The following KIAA1755 variants were observed in gnomAD, a reference collection of about 807,000 sequenced individuals.
The protein encoded by KIAA1755 is uncharacterized protein KIAA1755.
Under a neutral mutation model 91.7 loss-of-function variants are expected in KIAA1755, and 68 were observed. That is an observed-to-expected ratio of 0.74 (90% CI 0.61 to 0.91). The LOEUF (loss-of-function observed/expected upper bound fraction) is 0.91. Among genes scored for constraint, KIAA1755 ranks in the 40% least tolerant of loss-of-function variants. The pLI, the probability that KIAA1755 is intolerant of heterozygous loss-of-function variation, is 0.00. For synonymous variants in KIAA1755, 610 were observed against 604.6 expected, an observed-to-expected ratio of 1.01 and a Z score of -0.13; for missense variants, 1,535 against 1,494.4, an observed-to-expected ratio of 1.03 and a Z score of -0.45.
chr20:38,242,632 T>G (rs975370190), intron 2 of KIAA1755, among the ~76,000 whole-genome samples: 5 of 152,210 alleles, frequency 3.3e-5, no homozygotes, highest in African/African-American at 1.2e-4. Flanking sequence ...AATGCCTATT[T>G]TATAATAAAG....
At chr20:38,249,300 G>A (rs2076207527) in intron 1 of KIAA1755, among the ~76,000 whole-genome samples, 1 of 152,136 alleles carries the variant, frequency 6.6e-6, no homozygotes, top group Non-Finnish European at 1.5e-5. Flanking sequence ...CAGCCTGGTT[G>A]CAAGCTCCAG....
chr20:38,231,551 C>A (rs186765096), intron 4 of KIAA1755, among the ~76,000 whole-genome samples: 7 of 152,302 alleles, frequency 4.6e-5, no homozygotes, highest in African/African-American at 1.7e-4. Flanking sequence ...AGAGCACTCC[C>A]TCTGTATAAG....
intron 11 of KIAA1755, among the ~76,000 whole-genome samples, 158 bp from the exon 12 acceptor site, chr20:38,218,524 C>A (rs945607851): frequency 2.0e-5 from 3 of 152,168 alleles, no homozygotes; most frequent in South Asian, 2.1e-4. Context: ...CAATTCTGGG[C>A]GTGGGAAGAA....
chr20:38,241,703 A>G lies in KIAA1755; in HGVS notation c.428T>C (p.Ile143Thr), dbSNP rs776817650. The G allele has an allele frequency of 1.1e-5, 17 of 1,614,228 alleles. No homozygotes were observed. The South Asian group carries it at 1.5e-4, about 15-fold the overall frequency. ...CTCCAGCCATTCTTGGGTGAAAAGT[A>G]TAGGGTAGGCTGGCTCTGGAACAGG... ...KKPVPEPAYP[I>T]LFTQEWLEAI... The change falls in exon 3 of 14, where the codon ATA becomes ACA. Residue 143 changes from isoleucine (I) to threonine (T), a missense_variant. Ile to Thr is a moderately conservative substitution (Grantham distance 89, BLOSUM62 -1). Transcript: ENST00000279024.
At chr20:38,230,586 G>T (rs575565794) in intron 5 of KIAA1755, among the ~76,000 whole-genome samples, 1 of 152,286 alleles carries the variant, frequency 6.6e-6, no homozygotes, top group South Asian at 2.1e-4. Context: ...TGATTCGAAT[G>T]CACCTTCAAA....
At chr20:38,242,830 AAATG>A (rs1327652518) in intron 2 of KIAA1755, among the ~76,000 whole-genome samples, 2 of 152,272 alleles carry the variant, frequency 1.3e-5, no homozygotes, top group Non-Finnish European at 2.9e-5. Context: ...CTCATTAAAT[AAATG>A]AAGGCTTATT....
intron 1 of KIAA1755, among the ~76,000 whole-genome samples, chr20:38,248,683 TA>T (rs1483760643): frequency 0.029 from 865 of 29,324 alleles, 6 homozygotes; most frequent in African/African-American, 0.099. Context: ...GTCTTCTCTT[TA>T]TTATTATTAT....
At chr20:38,253,664 CT>C (rs2076290401) in intron 1 of KIAA1755, among the ~76,000 whole-genome samples, 2 of 152,358 alleles carry the variant, frequency 1.3e-5, no homozygotes, top group Non-Finnish European at 2.9e-5. Context: ...GCAGTTACCC[CT>C]GAGGGCTGTG....
In KIAA1755 at chr20:38,213,518, C is replaced by T. The variant is rs75522156; in HGVS notation, c.3127G>A (p.Glu1043Lys). The change falls in exon 14 of 14, where the codon GAG becomes AAG. Residue 1043 changes from glutamate to lysine, a missense_variant. Glu to Lys is a moderately conservative substitution (Grantham distance 56, BLOSUM62 1). Coordinates refer to ENST00000279024, the MANE Select transcript of KIAA1755 (RefSeq NM_001029864.2). ...GCCTTCTCCAGGAGCATCCGGATCT[C>T]CTCATGCCTGATCCGGGCCTCCTCC... ...LWEEARIRHE[E>K]IRMLLEKALT... The T allele has an allele frequency of 1.6e-4, 254 of 1,610,734 alleles. 3 individuals carry two copies. In the African/African-American group the frequency reaches 2.9e-3, roughly 18 times the overall value.
intron 1 of KIAA1755, among the ~76,000 whole-genome samples, chr20:38,253,105 C>T (rs930350967): frequency 7.9e-5 from 12 of 152,304 alleles, no homozygotes; most frequent in African/African-American, 1.9e-4. Context: ...CAGGAGCCAG[C>T]GGGTGTGAGG....
rs752624978 is a variant in KIAA1755 at position 38,218,336 on chromosome 20, G to A, written c.2587C>T (p.Arg863Trp). ...VSDWMEQEGR[R>W]CLQSLTPKDG... The stretch of plus-strand genomic sequence containing the variant: ...TTGGGGGTCAGTGATTGCAGGCACC[G>A]CCTTCCTTCCTGCTCCATCCAGTCG... Residue 863 changes from arginine to tryptophan, a missense_variant, in exon 12 of 14, where the codon CGG becomes TGG. Physicochemically the swap from Arg to Trp is moderately radical, Grantham distance 101. Transcript: ENST00000279024. 13 of 1,614,172 alleles carry A rather than the reference G, an allele frequency of 8.1e-6. No individual in the cohort carries two copies. The highest frequency in any genetic ancestry group is 6.7e-5 in the East Asian group (3 of 44,884).
chr20:38,213,814 G>C, intron 13 of KIAA1755, 71 bp from the exon 14 acceptor site: 1 of 1,112,916 alleles, frequency 9.0e-7, no homozygotes, highest in Non-Finnish European at 1.2e-6. Context: ...GAATTAATAA[G>C]TGCCCAATGC....
At chr20:38,244,838 T>C (rs4340595) in intron 2 of KIAA1755, among the ~76,000 whole-genome samples, 8,089 of 152,202 alleles carry the variant, frequency 0.053, 321 homozygotes, top group African/African-American at 0.11. Flanking sequence ...AGCGATTCTC[T>C]TGCCTCAGCC....
rs75334791 is a variant in KIAA1755, at chr20:38,220,712, G to A, written c.2418-944C>T. Among the ~76,000 whole-genome samples, 748 of 152,322 alleles carry A rather than the reference G, an allele frequency of 4.9e-3. 5 individuals carry two copies. Among genetic ancestry groups the A allele is most frequent in the African/African-American group, 0.017 (710 of 41,562 alleles). The stretch of plus-strand genomic sequence containing the variant: ...TGCAAAACACTTAACACAGTGCCCA[G>A]CGCACGATGTTTGTCAGGTCCGTGC... On this transcript the variant is annotated intron_variant, in intron 10 of 13. Coordinates refer to ENST00000279024, the MANE Select transcript of KIAA1755 (RefSeq NM_001029864.2).
chr20:38,238,954 T>A (rs2076005482), intron 4 of KIAA1755, among the ~76,000 whole-genome samples: 1 of 152,198 alleles, frequency 6.6e-6, no homozygotes, highest in Admixed American at 6.5e-5. Context: ...ACTGGATCAC[T>A]GGCTCCCCCT....
At position 38,228,206 on chromosome 20, in the gene KIAA1755, T is replaced by C; in HGVS notation, c.1906A>G (p.Ile636Val). ...EDKAKGLAVL[I>V]DARRQPPQPG... Reference sequence around the variant, plus strand: ...TGTGGGGGCTGTCTCCTGGCGTCAATCAGGACCGCCAGCCCCTTGGCTTTA... The same window carrying C: ...TGTGGGGGCTGTCTCCTGGCGTCAACCAGGACCGCCAGCCCCTTGGCTTTA... The change falls in exon 6 of 14, where the codon ATT (isoleucine) becomes GTT (valine). Residue 636 changes from isoleucine (I) to valine (V), a missense_variant. Coordinates refer to ENST00000279024, the MANE Select transcript of KIAA1755 (RefSeq NM_001029864.2). 1.2e-6 allele frequency: 2 copies of C among 1,604,530 alleles called. No homozygotes were observed. The highest frequency in any genetic ancestry group is 2.3e-5 in the South Asian group (2 of 88,530).
rs751030500 is a variant in KIAA1755 at position 38,213,485 on chromosome 20, G to A, written c.3160C>T (p.His1054Tyr). Residue 1054 changes from histidine (H) to tyrosine (Y), a missense_variant, in exon 14 of 14, where the codon CAC becomes TAC. By Grantham distance (83) the His-to-Tyr change is moderately conservative. Coordinates refer to ENST00000279024, the MANE Select transcript of KIAA1755 (RefSeq NM_001029864.2). ...IRMLLEKALT[H>Y]SSCPEAPAAH... ...GCTGGAGCCTCTGGGCAAGAGCTGT[G>A]GGTCAGTGCCTTCTCCAGGAGCATC... 1.2e-6 allele frequency: 2 copies of A among 1,607,508 alleles called. No homozygotes were observed. Among genetic ancestry groups the A allele is most frequent in the East Asian group, 2.2e-5 (1 of 44,714 alleles).
intron 9 of KIAA1755, chr20:38,222,830 C>G (rs2075686507): frequency 1.7e-6 from 1 of 596,614 alleles, no homozygotes; most frequent in Admixed American, 2.8e-5. Flanking sequence ...ATTCCAGCCT[C>G]TTCGCTGATC....
intron 6 of KIAA1755, among the ~76,000 whole-genome samples, chr20:38,227,882 G>A (rs2075789152): frequency 6.6e-6 from 1 of 152,250 alleles, no homozygotes. Flanking sequence ...GCCAGAAATG[G>A]AGAGAGAGGA....
Sources: allele counts gnomAD v4.1 joint callset (sites outside exome capture counted in the v4.1 genomes callset), GRCh38; gene constraint gnomAD v4.1.1; transcripts MANE v1.5; gene names NCBI Gene and HGNC (gene_info 2026-07-23, HGNC 2026-07-21).